The following SNX29 variants were observed in gnomAD, a reference collection of about 807,000 sequenced individuals.
SNX29 encodes the protein sorting nexin-29.
In SNX29, 78 loss-of-function variants were observed where a neutral mutation model predicts 102.1. The observed-to-expected ratio is 0.76, with a 90% confidence interval of 0.64 to 0.92. SNX29 has a LOEUF of 0.92. Among genes scored for constraint, SNX29 ranks in the 40% least tolerant of loss-of-function variants. The probability of loss-of-function intolerance (pLI) is 0.00; values close to 1 mark genes in which losing one functional copy is unlikely to be tolerated. For synonymous variants in SNX29, 580 were observed against 414.5 expected, an observed-to-expected ratio of 1.40 and a Z score of -4.85; for missense variants, 1,280 against 1,061.7, an observed-to-expected ratio of 1.21 and a Z score of -2.86.
intron 13 of SNX29, chr16:12,135,496 A>T (rs1170204430): frequency 3.8e-6 from 5 of 1,314,184 alleles, no homozygotes; most frequent in African/African-American, 3.0e-5. Context: ...AGAGCCAGTT[A>T]CTGCATTCTT....
intron 13 of SNX29, among the ~76,000 whole-genome samples, chr16:12,139,360 G>A (rs566130485): frequency 5.3e-5 from 8 of 152,280 alleles, no homozygotes; most frequent in African/African-American, 1.9e-4. Flanking sequence ...TCCACGCACT[G>A]CCTGTCTTCC....
Position 12,266,180 on chromosome 16 carries a change from C to T in SNX29, c.1679-11753C>T, listed in dbSNP as rs184655674. 6.6e-5 allele frequency among the ~76,000 whole-genome samples: 10 copies of T among 152,288 alleles called. No individual in the cohort carries two copies. In the East Asian group the frequency reaches 1.9e-3, roughly 29 times the overall value. The stretch of plus-strand genomic sequence containing the variant: ...GCTCAAGCGATCCTCCCGCCTCAGC[C>T]TCCCAAAGTGCTGGGGTTGCAGGTG... On this transcript the variant is annotated intron_variant, in intron 14 of 20. Transcript: ENST00000566228.
intron 16 of SNX29, among the ~76,000 whole-genome samples, chr16:12,377,775 G>A (rs191726963): frequency 1.3e-5 from 2 of 152,294 alleles, no homozygotes; most frequent in Admixed American, 1.3e-4. Flanking sequence ...GCCCATGTGT[G>A]TTGAGTTTTT....
intron 11 of SNX29, among the ~76,000 whole-genome samples, chr16:12,119,891 C>G (rs949477197): frequency 6.6e-6 from 1 of 152,172 alleles, no homozygotes; most frequent in Admixed American, 6.5e-5. Flanking sequence ...TACATGAGAT[C>G]GTGTATTTCA....
chr16:12,176,693 G>C (rs1381333944), intron 13 of SNX29, among the ~76,000 whole-genome samples: 1 of 152,138 alleles, frequency 6.6e-6, no homozygotes, highest in Non-Finnish European at 1.5e-5. Context: ...CTTGGACTGT[G>C]GTATGTGAGG....
At chr16:12,190,761 A>G (rs908321044) in intron 13 of SNX29, among the ~76,000 whole-genome samples, 1 of 152,016 alleles carries the variant, frequency 6.6e-6, no homozygotes, top group Non-Finnish European at 1.5e-5. Context: ...CAGCTGCAAG[A>G]GGAGGGGAGG....
At chr16:12,123,898 C>A (rs1316754363) in intron 11 of SNX29, among the ~76,000 whole-genome samples, 2 of 152,136 alleles carry the variant, frequency 1.3e-5, no homozygotes, top group Non-Finnish European at 2.9e-5. Context: ...GTGGGTGTGG[C>A]CGTGTTTGGG....
At chr16:12,326,785 A>G (rs2081133818) in intron 15 of SNX29, among the ~76,000 whole-genome samples, 2 of 152,156 alleles carry the variant, frequency 1.3e-5, no homozygotes, top group African/African-American at 4.8e-5. Flanking sequence ...ACTGTGGTGC[A>G]GGTGGCACTG....
chr16:12,464,398 T>C (rs893837906), intron 18 of SNX29, among the ~76,000 whole-genome samples: 1 of 152,178 alleles, frequency 6.6e-6, no homozygotes, highest in East Asian at 1.9e-4. Flanking sequence ...CGGGTCCACA[T>C]AGCTCTTGAG....
chr16:12,341,101 A>G (rs2081598601), intron 15 of SNX29, among the ~76,000 whole-genome samples: 1 of 152,086 alleles, frequency 6.6e-6, no homozygotes, highest in Non-Finnish European at 1.5e-5. Context: ...AACGCATCCA[A>G]CCTATGGTTA....
intron 18 of SNX29, among the ~76,000 whole-genome samples, chr16:12,476,188 G>A (rs1296340050): frequency 3.3e-5 from 5 of 149,344 alleles, no homozygotes; most frequent in Non-Finnish European, 7.4e-5. Context: ...CAGGTGTGGT[G>A]GTGGGCATCT....
intron 19 of SNX29, among the ~76,000 whole-genome samples, chr16:12,495,536 C>T (rs2088779452): frequency 6.6e-6 from 1 of 152,164 alleles, no homozygotes; most frequent in African/African-American, 2.4e-5. Flanking sequence ...TTTCTTTGCC[C>T]CTTATTTTTT....
rs530344123 is a variant in SNX29, at chr16:11,976,973, G to T, written c.7+160G>T. 2,864 of 964,200 alleles carry T rather than the reference G, an allele frequency of 3.0e-3. 2 individuals are homozygous for T. The highest frequency in any genetic ancestry group is 3.4e-3 in the Non-Finnish European group (2,521 of 743,300). 59.7% of individuals were successfully genotyped at this position (964,200 alleles called of 1,614,324 possible). A position where few individuals can be genotyped will look rare whatever the true frequency, so the allele number is the denominator to read the frequency against. On this transcript the variant is annotated intron_variant, in intron 1 of 20. Transcript: ENST00000566228. The stretch of plus-strand genomic sequence containing the variant: ...CCCTGGCCCCCAGGACTCCCGGCTC[G>T]TGGCCCCTGCTCACCTGCGGGTCTC...
chr16:12,103,866 AT>A (rs1299292766), intron 11 of SNX29, among the ~76,000 whole-genome samples: 3 of 152,220 alleles, frequency 2.0e-5, no homozygotes, highest in African/African-American at 7.2e-5. Context: ...AGGAAAGTGT[AT>A]TCTTAATGTT....
chr16:12,336,731 G>C (rs1286527324), intron 15 of SNX29, among the ~76,000 whole-genome samples: 1 of 152,210 alleles, frequency 6.6e-6, no homozygotes, highest in Non-Finnish European at 1.5e-5. Context: ...GATCGCTTGA[G>C]TCCAGGAGTT....
chr16:12,401,359 A>ATTTTTTTTTTTTTTTTTTTTTTTTTT, intron 17 of SNX29, among the ~76,000 whole-genome samples: 1 of 101,500 alleles, frequency 9.9e-6, no homozygotes, highest in African/African-American at 3.7e-5. Flanking sequence ...ATAGAGTTAA[A>ATTTTTTTTTTTTTTTTTTTTTTTTTT]TTTTTTTTTT....
intron 19 of SNX29, among the ~76,000 whole-genome samples, chr16:12,514,269 T>C (rs1265521297): frequency 6.6e-6 from 1 of 152,166 alleles, no homozygotes; most frequent in African/African-American, 2.4e-5. Flanking sequence ...TGTCACTCCT[T>C]GGGGAAAGTC....
At chr16:12,290,010 G>A (rs1022001316) in intron 15 of SNX29, among the ~76,000 whole-genome samples, 15 of 152,256 alleles carry the variant, frequency 9.9e-5, no homozygotes, top group African/African-American at 3.4e-4. Flanking sequence ...GGATACAGCG[G>A]GAGTGGAGAA....
chr16:12,284,160 C>G (rs1373190687), intron 15 of SNX29, among the ~76,000 whole-genome samples: 1 of 152,254 alleles, frequency 6.6e-6, no homozygotes, highest in African/African-American at 2.4e-5. Flanking sequence ...GACATTCGGA[C>G]TTTGGGCCTG....
Sources: allele counts gnomAD v4.1 joint callset (sites outside exome capture counted in the v4.1 genomes callset), GRCh38; gene constraint gnomAD v4.1.1; transcripts MANE v1.5; gene names NCBI Gene and HGNC (gene_info 2026-07-23, HGNC 2026-07-21).